VAV2: variants seen among roughly 807,000 people sequenced by gnomAD.
The protein encoded by VAV2 is guanine nucleotide exchange factor VAV2.
VAV2 carries 67 observed loss-of-function variants against 132.5 expected under a neutral mutation model. The ratio of observed to expected loss-of-function variants is 0.51; its 90% CI spans 0.42 to 0.62. The LOEUF (loss-of-function observed/expected upper bound fraction) is 0.62, where lower values mean the gene tolerates loss of function less well. VAV2 is among the 20% of genes least tolerant of loss of function. VAV2 has a pLI of 0.00. For missense variants in VAV2, 938 were observed against 1,153.6 expected (o/e 0.81, Z 2.71); for synonymous variants, 492 against 443.5 (o/e 1.11, Z -1.37).
In VAV2 at chr9:133,939,022, T is replaced by C. The variant is rs113618475; in HGVS notation, c.321+81A>G. 5,301 of 1,325,376 alleles carry C rather than the reference T, an allele frequency of 4.0e-3. 187 individuals are homozygous for C. The African/African-American group carries it at 0.065, about 16-fold the overall frequency. 82.1% of individuals were successfully genotyped at this position (1,325,376 alleles called of 1,614,324 possible). ...TGTTGGAGCCAATCAGGCTGCTCCA[T>C]GGATCTGGCCCACCTGCCGCTGAGC... On this transcript the variant is annotated intron_variant, in intron 2 of 29. Coordinates refer to ENST00000371850, the MANE Select transcript of VAV2 (RefSeq NM_001134398.2).
intron 2 of VAV2, among the ~76,000 whole-genome samples, chr9:133,864,615 T>C (rs1229850029): frequency 6.6e-6 from 1 of 152,234 alleles, no homozygotes; most frequent in Non-Finnish European, 1.5e-5. Context: ...CCCTAGGTCC[T>C]ACCCCCGCCA....
intron 3 of VAV2, among the ~76,000 whole-genome samples, chr9:133,844,253 G>A (rs921149843): frequency 3.3e-5 from 5 of 152,172 alleles, no homozygotes; most frequent in Admixed American, 6.5e-5. Context: ...CACGCTTCTC[G>A]TAAGGGAACC....
In VAV2 at chr9:133,961,604, G is replaced by C. The variant is rs1233846012; in HGVS notation, c.205-22385C>G. Among the ~76,000 whole-genome samples the C allele has an allele frequency of 6.6e-6, 1 of 152,158 alleles. No individual in the cohort carries two copies. The highest frequency in any genetic ancestry group is 6.5e-5 in the Admixed American group (1 of 15,286). On this transcript the variant is annotated intron_variant, in intron 1 of 29. Coordinates refer to ENST00000371850, the MANE Select transcript of VAV2 (RefSeq NM_001134398.2). The surrounding 1 kb of genome is among the most constrained non-coding windows in gnomAD (Gnocchi z 4.1). Reference sequence around the variant, plus strand: ...CCCTCTGACCTCACAAAGACCCACGGGGCTGGTTTGGGAGGCCCAGCCCAG... The same window carrying C: ...CCCTCTGACCTCACAAAGACCCACGCGGCTGGTTTGGGAGGCCCAGCCCAG...
rs145662933 is a variant in VAV2, at chr9:133,926,493, G to A, written c.321+12610C>T. ...CCAGGATAGCACCCCAAATCTCTCT[G>A]GTAGGGCTCTCTGGCACTGCCCTAG... On this transcript the variant is annotated intron_variant, in intron 2 of 29. Transcript: ENST00000371850. The surrounding 1 kb of genome is among the most constrained non-coding windows in gnomAD (Gnocchi z 4.3). Among the ~76,000 whole-genome samples, 1 of 152,118 alleles carries A rather than the reference G, an allele frequency of 6.6e-6. No homozygotes were observed. Among genetic ancestry groups the A allele is most frequent in the East Asian group, 1.9e-4 (1 of 5,190 alleles).
chr9:133,934,094 CTGGA>C (rs1840815399), intron 2 of VAV2, among the ~76,000 whole-genome samples: 6 of 138,208 alleles, frequency 4.3e-5, no homozygotes, highest in South Asian at 4.8e-4. Context: ...GGATGAATGG[CTGGA>C]TGGATGGATG....
At chr9:133,805,775 C>T (rs923297561) in intron 9 of VAV2, among the ~76,000 whole-genome samples, 1 of 152,214 alleles carries the variant, frequency 6.6e-6, no homozygotes, top group South Asian at 2.1e-4. Context: ...AGTGGGGGCC[C>T]GAGATCTCCG....
At chr9:133,832,331 G>A (rs908318174) in intron 4 of VAV2, among the ~76,000 whole-genome samples, 4 of 152,190 alleles carry the variant, frequency 2.6e-5, no homozygotes, top group Non-Finnish European at 5.9e-5. Context: ...ATGCCAGGAA[G>A]GGTACAGGGG....
chr9:133,868,924 C>T (rs10821528), intron 2 of VAV2, among the ~76,000 whole-genome samples: 30,277 of 151,984 alleles, frequency 0.2, 4,054 homozygotes, highest in African/African-American at 0.39. Flanking sequence ...GCCTGTAATC[C>T]CAGCTACAGC....
Position 133,969,201 on chromosome 9 carries a change from G to A in VAV2, c.204+22874C>T, listed in dbSNP as rs369987949. ...AGAGCTGGATTCCACCGTGCCCGCC[G>A]GGCCTGCGAGGACGAGCCTCTGCAC... On this transcript the variant is annotated intron_variant, in intron 1 of 29. Transcript: ENST00000371850. The surrounding 1 kb of genome is among the most constrained non-coding windows in gnomAD (Gnocchi z 5.1). Among the ~76,000 whole-genome samples, 4 of 151,678 alleles carry A rather than the reference G, an allele frequency of 2.6e-5. No individual in the cohort carries two copies. Among genetic ancestry groups the A allele is most frequent in the African/African-American group, 9.7e-5 (4 of 41,234 alleles).
intron 1 of VAV2, among the ~76,000 whole-genome samples, chr9:133,942,123 G>A (rs750615383): frequency 2.0e-5 from 3 of 152,208 alleles, no homozygotes; most frequent in Non-Finnish European, 4.4e-5. Context: ...AACCGGAGAA[G>A]ACACTGAGTT....
Position 133,787,061 on chromosome 9 carries a change from C to T in VAV2, c.1422+185G>A, listed in dbSNP as rs112763232. Among the ~76,000 whole-genome samples, 1,291 of 152,278 alleles carry T rather than the reference C, an allele frequency of 8.5e-3. 15 individuals are homozygous for T. Among genetic ancestry groups the T allele is most frequent in the African/African-American group, 0.029 (1,206 of 41,552 alleles). ...GAGTTTTCCTTTCACACTGTCTTAG[C>T]GGGCAAGCCTTTCATCATGAATACA... is the stretch of plus-strand genomic sequence containing the variant. On this transcript the variant is annotated intron_variant, in intron 16 of 29. Transcript: ENST00000371850.
chr9:133,910,200 T>C (rs749001541), intron 2 of VAV2, among the ~76,000 whole-genome samples: 1 of 151,856 alleles, frequency 6.6e-6, no homozygotes, highest in Non-Finnish European at 1.5e-5. Context: ...ATGGAAGAGG[T>C]AGAACAAGAA....
chr9:133,898,728 C>T (rs1223131311), intron 2 of VAV2, among the ~76,000 whole-genome samples: 1 of 152,076 alleles, frequency 6.6e-6, no homozygotes, highest in African/African-American at 2.4e-5. Context: ...GAGGCCAGGC[C>T]TGAGCTGGTG....
At position 133,796,478 on chromosome 9, in the gene VAV2, A is replaced by C. The variant is rs1834718550; in HGVS notation, c.983T>G (p.Leu328Arg). 7.4e-6 allele frequency: 12 copies of C among 1,613,874 alleles called. No homozygotes were observed. Among genetic ancestry groups the C allele is most frequent in the Non-Finnish European group, 9.3e-6 (11 of 1,179,962 alleles). ...VQDGKFKLQD[L>R]LVVPMQRVLK... Reference sequence around the variant, plus strand: ...CACCCTCTGCATGGGGACCACCAGCAGGTCTTGCAGCTTAAATTTTCCATC... The same window carrying C: ...CACCCTCTGCATGGGGACCACCAGCCGGTCTTGCAGCTTAAATTTTCCATC... The change falls in exon 11 of 30, where the codon CTG becomes CGG. Residue 328 changes from leucine to arginine, a missense_variant. Coordinates refer to ENST00000371850, the MANE Select transcript of VAV2 (RefSeq NM_001134398.2).
At chr9:133,797,945 T>C (rs1006773214) in intron 9 of VAV2, 136 bp from the exon 10 acceptor site, 19 of 703,040 alleles carry the variant, frequency 2.7e-5, no homozygotes, top group Middle Eastern at 2.5e-4. Flanking sequence ...TCCCTGCACG[T>C]GGACACATTC....
In VAV2 at chr9:133,991,969, A is replaced by C; in HGVS notation, c.204+106T>G. Reference sequence around the variant, plus strand: ...CCGCGTCCCGGAGCCCGGCCGCCCCAGCCAGGGCGCCTGGGCCGCCGCCGC... The same window carrying C: ...CCGCGTCCCGGAGCCCGGCCGCCCCCGCCAGGGCGCCTGGGCCGCCGCCGC... On this transcript the variant is annotated intron_variant, in intron 1 of 29. Coordinates refer to ENST00000371850, the MANE Select transcript of VAV2 (RefSeq NM_001134398.2). This position sits in a 1 kb window ranked among gnomAD's most constrained non-coding sequence, Gnocchi z 4.8. The C allele has an allele frequency of 1.0e-6, 1 of 998,762 alleles. No individual in the cohort carries two copies. Among genetic ancestry groups the C allele is most frequent in the Non-Finnish European group, 1.3e-6 (1 of 797,768 alleles). The allele number at this position is 998,762 out of a possible 1,614,324, so 61.9% of individuals were successfully genotyped here.
intron 4 of VAV2, among the ~76,000 whole-genome samples, chr9:133,817,391 G>A (rs7029488): frequency 0.18 from 26,912 of 152,048 alleles, 2,569 homozygotes; most frequent in African/African-American, 0.24. Context: ...GGTGGCGCAC[G>A]CCTGTAATCC....
chr9:133,772,056 C>T lies in VAV2; in HGVS notation c.2136-10G>A, dbSNP rs1455704126. On this transcript the variant is annotated splice_polypyrimidine_tract_variant and intron_variant, in intron 25 of 29. Coordinates refer to ENST00000371850, the MANE Select transcript of VAV2 (RefSeq NM_001134398.2). Reference sequence around the variant, plus strand: ...CACCTCATCATTGAACCTGAGCAAACACACGGCCCCGGCGGTCACCGCGTG... The same window carrying T: ...CACCTCATCATTGAACCTGAGCAAATACACGGCCCCGGCGGTCACCGCGTG... 6.2e-7 allele frequency: 1 copy of T among 1,609,308 alleles called. No individual in the cohort carries two copies. The highest frequency in any genetic ancestry group is 8.5e-7 in the Non-Finnish European group (1 of 1,177,460).
chr9:133,825,846 C>T (rs7851180), intron 4 of VAV2, among the ~76,000 whole-genome samples: 4,201 of 152,312 alleles, frequency 0.028, 184 homozygotes, highest in African/African-American at 0.094. Context: ...CTCCCACTCA[C>T]TCCCCATGTA....
Sources: allele counts gnomAD v4.1 joint callset (sites outside exome capture counted in the v4.1 genomes callset), GRCh38; gene constraint gnomAD v4.1.1; non-coding constraint Gnocchi (gnomAD v3.1); transcripts MANE v1.5; gene names NCBI Gene and HGNC (gene_info 2026-07-23, HGNC 2026-07-21).